The following GGH variants were observed in gnomAD, a reference collection of about 807,000 sequenced individuals.
GGH encodes gamma-Glu-X carboxypeptidase.
A neutral mutation model predicts 39.2 loss-of-function variants in GGH; 18 were observed. The ratio of observed to expected loss-of-function variants is 0.46; its 90% CI spans 0.32 to 0.68. GGH has a LOEUF of 0.68. Among genes scored for constraint, GGH ranks in the 30% least tolerant of loss-of-function variants. The pLI is 0.04. For missense variants in GGH, 367 were observed against 384.1 expected (o/e 0.96, Z 0.37); for synonymous variants, 147 against 138.8 (o/e 1.06, Z -0.42).
At chr8:63,036,405 C>T (rs1804909841) in intron 1 of GGH, among the ~76,000 whole-genome samples, 1 of 152,152 alleles carries the variant, frequency 6.6e-6, no homozygotes, top group African/African-American at 2.4e-5. Flanking sequence ...CTGCTGGGGA[C>T]ACATGACTAT....
intron 6 of GGH, 22 bp downstream of exon 6, chr8:63,024,057 TC>T (rs751676471): frequency 1.9e-6 from 3 of 1,547,674 alleles, no homozygotes; most frequent in Non-Finnish European, 2.7e-6. Flanking sequence ...CATATTAATT[TC>T]ATTGTGTAAT....
intron 8 of GGH, among the ~76,000 whole-genome samples, chr8:63,015,974 T>G (rs185450799): frequency 2.0e-5 from 3 of 152,248 alleles, no homozygotes; most frequent in Admixed American, 6.5e-5. Context: ...CATCACTGGA[T>G]GCTACAAGAG....
At chr8:63,024,263 A>T (rs1804645957) in intron 5 of GGH, 77 bp from the exon 6 acceptor site, 1 of 765,528 alleles carries the variant, frequency 1.3e-6, no homozygotes, top group African/African-American at 1.8e-5. Context: ...ACTGCACCCA[A>T]AGAGAAGCCA....
intron 7 of GGH, among the ~76,000 whole-genome samples, chr8:63,022,324 T>A (rs993740814): frequency 6.6e-6 from 1 of 152,138 alleles, no homozygotes; most frequent in Non-Finnish European, 1.5e-5. Flanking sequence ...GTCTCTGTCC[T>A]ACTTTTTCCC....
Position 63,017,907 on chromosome 8 carries a change from C to G in GGH, c.698-277G>C, listed in dbSNP as rs1804516371. 3 of 286,982 alleles carry G rather than the reference C, an allele frequency of 1.0e-5. No individual in the cohort carries two copies. The East Asian group carries it at 2.0e-4, about 19-fold the overall frequency. 17.8% of individuals were successfully genotyped at this position (286,982 alleles called of 1,614,324 possible). On this transcript the variant is annotated intron_variant, in intron 7 of 8. Transcript: ENST00000260118. ...GTAGAAGCTGAGCTGAGGAATCTAT[C>G]CCTGTCCAAAAGTCAGATGCACATT...
Position 63,027,235 on chromosome 8 carries a change from G to A in GGH, c.306C>T (p.Leu102=). ...CCACTTTAGCATAATCTGAGCGTCT[G>A]AGGTCAACACTTCCTCCAGGGAAAA... The part of the protein sequence containing the change: ...GILFPGGSVD[L]RRSDYAKVAK... The change falls in exon 4 of 9, where the codon CTC becomes CTT. Residue 102 remains leucine (L), a synonymous_variant. Coordinates refer to ENST00000260118, the MANE Select transcript of GGH (RefSeq NM_003878.3). The A allele has an allele frequency of 6.3e-7, 1 of 1,597,914 alleles. No homozygotes were observed.
chr8:63,034,731 C>A (rs1036785953), intron 2 of GGH, among the ~76,000 whole-genome samples: 3 of 152,182 alleles, frequency 2.0e-5, no homozygotes, highest in Admixed American at 1.3e-4. Flanking sequence ...CACACTGAAG[C>A]AACCCTAATG....
chr8:63,015,641 CAA>C (rs372991597), intron 8 of GGH, among the ~76,000 whole-genome samples, 188 bp from the exon 9 acceptor site: 4 of 127,154 alleles, frequency 3.1e-5, no homozygotes, highest in Non-Finnish European at 3.4e-5. Context: ...ACTTACTTTC[CAA>C]AAAAAAAAAA....
At chr8:63,023,169 G>A (rs1404928552) in intron 7 of GGH, among the ~76,000 whole-genome samples, 2 of 152,152 alleles carry the variant, frequency 1.3e-5, no homozygotes, top group Admixed American at 1.3e-4. Context: ...ACCAGTCTAA[G>A]GCAACCTTGA....
chr8:63,031,951 G>A (rs1198235633), intron 2 of GGH, among the ~76,000 whole-genome samples: 1 of 152,216 alleles, frequency 6.6e-6, no homozygotes, highest in Admixed American at 6.5e-5. Context: ...TGCCAATGGG[G>A]AGTGTTTGCC....
chr8:63,035,589 G>A, intron 2 of GGH, 67 bp downstream of exon 2: 4 of 1,545,864 alleles, frequency 2.6e-6, no homozygotes, highest in Non-Finnish European at 3.5e-6. Context: ...ACAGGCATGA[G>A]GCACCGCACC....
chr8:63,025,158 GC>G (rs1300700358), intron 5 of GGH: 1 of 152,180 alleles, frequency 6.6e-6, no homozygotes, highest in African/African-American at 2.4e-5. Context: ...CTGACAGGAA[GC>G]TTCTAAAACC....
At chr8:63,027,122 C>G in intron 4 of GGH, 59 bp downstream of exon 4, 1 of 825,960 alleles carries the variant, frequency 1.2e-6, no homozygotes, top group Non-Finnish European at 2.1e-6. Context: ...AAAAATGAAC[C>G]ACTCGCACAA....
At chr8:63,024,207 G>C in intron 5 of GGH, 21 bp from the exon 6 acceptor site, 1 of 1,403,568 alleles carries the variant, frequency 7.1e-7, no homozygotes, top group Non-Finnish European at 1.0e-6. Flanking sequence ...TTAAGTACAA[G>C]AGAAATAATT....
At chr8:63,022,393 C>T (rs1804604666) in intron 7 of GGH, among the ~76,000 whole-genome samples, 1 of 152,090 alleles carries the variant, frequency 6.6e-6, no homozygotes. Flanking sequence ...CAGATTCCAA[C>T]CTTTCTTCTG....
intron 2 of GGH, among the ~76,000 whole-genome samples, chr8:63,030,712 C>A (rs1343065098): frequency 6.6e-6 from 1 of 152,160 alleles, no homozygotes; most frequent in African/African-American, 2.4e-5. Context: ...CTAGGGACTA[C>A]TCTGCATTTC....
At chr8:63,029,018 A>T (rs1422828771) in intron 3 of GGH, among the ~76,000 whole-genome samples, 2 of 152,244 alleles carry the variant, frequency 1.3e-5, no homozygotes, top group Non-Finnish European at 2.9e-5. Flanking sequence ...AACTGATTTT[A>T]TGGTAAATAT....
chr8:63,035,626 TA>T (rs34822356), intron 2 of GGH, 29 bp downstream of exon 2: 133,384 of 1,317,472 alleles, frequency 0.1, 1 homozygote, highest in Middle Eastern at 0.16. Flanking sequence ...TTATACAGAG[TA>T]AAAAAAAAAA....
chr8:63,037,811 G>A (rs1237710463), intron 1 of GGH, among the ~76,000 whole-genome samples: 2 of 152,064 alleles, frequency 1.3e-5, no homozygotes, highest in African/African-American at 4.8e-5. Flanking sequence ...TATGAAATAA[G>A]TTCCAAATAT....
Sources: allele counts gnomAD v4.1 joint callset (sites outside exome capture counted in the v4.1 genomes callset), GRCh38; gene constraint gnomAD v4.1.1; transcripts MANE v1.5; gene names NCBI Gene and HGNC (gene_info 2026-07-23, HGNC 2026-07-21).